SDK1: variants seen among roughly 807,000 people sequenced by gnomAD.
SDK1 encodes the protein sidekick cell adhesion molecule 1.
A neutral mutation model predicts 245.5 loss-of-function variants in SDK1; 157 were observed. The observed-to-expected ratio is 0.64, with a 90% CI of 0.56 to 0.73. The LOEUF is 0.73. SDK1 is among the 30% of genes least tolerant of loss of function. The pLI is 0.00. For synonymous variants in SDK1, 1,647 were observed against 1,278.5 expected (o/e 1.29, Z -6.15); for missense variants, 3,583 against 3,002.3 (o/e 1.19, Z -4.52).
intron 4 of SDK1, among the ~76,000 whole-genome samples, chr7:3,704,981 A>T (rs1353294939): frequency 6.6e-6 from 1 of 152,186 alleles, no homozygotes; most frequent in African/African-American, 2.4e-5. Flanking sequence ...GTGCTTTGTC[A>T]AAGATCAGTT....
chr7:3,454,423 T>TGTGTGTGTGTGCGC (rs1554273965), intron 1 of SDK1, among the ~76,000 whole-genome samples: 10 of 150,156 alleles, frequency 6.7e-5, no homozygotes, highest in Non-Finnish European at 1.3e-4. Context: ...TGTGTGTGTG[T>TGTGTGTGTGTGCGC]GCTGTGTACA....
rs534110250 is a variant in SDK1, at chr7:3,480,676, G to A, written c.299-138404G>A. 1.2e-4 allele frequency among the ~76,000 whole-genome samples: 18 copies of A among 152,274 alleles called. No individual in the cohort carries two copies. The East Asian group carries it at 1.3e-3, about 11-fold the overall frequency. On this transcript the variant is annotated intron_variant, in intron 1 of 44. Transcript: ENST00000404826. ...GATATACCTATGGGTCTGCCATAGC[G>A]TGCATATGGATTGTAGTCCCCTGCT...
intron 5 of SDK1, among the ~76,000 whole-genome samples, chr7:3,918,334 G>C (rs544707553): frequency 6.6e-6 from 1 of 152,178 alleles, no homozygotes; most frequent in East Asian, 1.9e-4. Context: ...TGCTCCCATC[G>C]CTGGCATTAC....
intron 5 of SDK1, among the ~76,000 whole-genome samples, chr7:3,840,536 G>C (rs1210530432): frequency 6.6e-6 from 1 of 152,146 alleles, no homozygotes; most frequent in Non-Finnish European, 1.5e-5. Context: ...TAGAAATGCA[G>C]AATTTGGGGC....
chr7:3,438,019 G>A (rs532687196), intron 1 of SDK1, among the ~76,000 whole-genome samples: 3 of 152,234 alleles, frequency 2.0e-5, no homozygotes, highest in Non-Finnish European at 2.9e-5. Context: ...GGGGCAAGTG[G>A]AATTATTCTG....
chr7:4,266,487 C>G lies in SDK1; in HGVS notation c.*1103C>G. The G allele has an allele frequency of 1.0e-6, 1 of 985,376 alleles. No individual in the cohort carries two copies. Among genetic ancestry groups the G allele is most frequent in the Non-Finnish European group, 1.2e-6 (1 of 829,886 alleles). 61.0% of individuals were successfully genotyped at this position (985,376 alleles called of 1,614,324 possible). A position where few individuals can be genotyped will look rare whatever the true frequency, so the allele number is the denominator to read the frequency against. ...TTCTGCTGGCTGCTCGCAGCAGCCACCGCTTCTCCACCACTGGCGCTGCTG... is the reference window on the plus strand; with the variant it reads ...TTCTGCTGGCTGCTCGCAGCAGCCAGCGCTTCTCCACCACTGGCGCTGCTG... On this transcript the variant is annotated 3_prime_UTR_variant, in exon 45 of 45. Transcript: ENST00000404826.
Position 3,826,485 on chromosome 7 carries a change from G to A in SDK1, c.847+4902G>A, listed in dbSNP as rs186746945. 1.0e-3 allele frequency among the ~76,000 whole-genome samples: 153 copies of A among 152,284 alleles called. 1 individual carries two copies. The highest frequency in any genetic ancestry group is 3.5e-3 in the African/African-American group (144 of 41,554). On this transcript the variant is annotated intron_variant, in intron 5 of 44. Transcript: ENST00000404826. The stretch of plus-strand genomic sequence containing the variant: ...TACTAACGACACAAGTGTTCCTGCT[G>A]CCGTTTGTTGCCATCTGATTGTGCT...
rs777441745 is a variant in SDK1, at chr7:3,962,659, G to T, written c.1237G>T (p.Val413Phe). 14 of 1,604,520 alleles carry T rather than the reference G, an allele frequency of 8.7e-6. No individual in the cohort carries two copies. Among genetic ancestry groups the T allele is most frequent in the South Asian group, 2.2e-5 (2 of 90,238 alleles). Residue 413 changes from valine to phenylalanine, a missense_variant and splice_region_variant, in exon 9 of 45, where the codon GTC becomes TTC. Transcript: ENST00000404826. The part of the protein sequence containing the change: ...TVDIGCQAMG[V>F]PLPTLQWYKD... ...TATTTATTCCCATTCCTACGCAGGG[G>T]TCCCCCTTCCCACCCTCCAGTGGTA...
At chr7:4,055,621 A>C (rs957664391) in intron 19 of SDK1, among the ~76,000 whole-genome samples, 3 of 150,856 alleles carry the variant, frequency 2.0e-5, no homozygotes, top group African/African-American at 7.3e-5. Context: ...GGTCTCCTTC[A>C]TTTTCAACTT....
intron 5 of SDK1, among the ~76,000 whole-genome samples, chr7:3,931,074 G>A (rs941493670): frequency 3.9e-5 from 6 of 152,146 alleles, no homozygotes; most frequent in African/African-American, 1.4e-4. Flanking sequence ...TGAAGACATT[G>A]GAGAGCACTT....
intron 44 of SDK1, among the ~76,000 whole-genome samples, chr7:4,248,517 C>T (rs1787063589): frequency 6.6e-6 from 1 of 151,860 alleles, no homozygotes; most frequent in Non-Finnish European, 1.5e-5. Flanking sequence ...TACACATATG[C>T]ACACATACGT....
rs1785066097 is a variant in SDK1, at chr7:4,220,250, T to A, written c.5681T>A (p.Ile1894Asn). The A allele has an allele frequency of 6.2e-7, 1 of 1,613,746 alleles. No individual in the cohort carries two copies. The highest frequency in any genetic ancestry group is 8.5e-7 in the Non-Finnish European group (1 of 1,179,918). The change falls in exon 39 of 45, where the codon ATC becomes AAC. Residue 1894 changes from isoleucine to asparagine, a missense_variant. Physicochemically the swap from Ile to Asn is moderately radical, Grantham distance 149. Coordinates refer to ENST00000404826, the MANE Select transcript of SDK1 (RefSeq NM_152744.4). ...ITYGPELQAN[I>N]TAGPAEGSPG... ...TACGGGCCCGAGCTCCAAGCCAATATCACAGCCGGGCCAGCCGAGGGTAAG... is the reference window on the plus strand; with the variant it reads ...TACGGGCCCGAGCTCCAAGCCAATAACACAGCCGGGCCAGCCGAGGGTAAG...
chr7:3,782,923 A>G (rs1293595328), intron 4 of SDK1, among the ~76,000 whole-genome samples: 1 of 152,238 alleles, frequency 6.6e-6, no homozygotes, highest in Non-Finnish European at 1.5e-5. Flanking sequence ...ATTATAAGAA[A>G]GAGAGTTAAA....
At chr7:3,882,873 G>A (rs755015859) in intron 5 of SDK1, among the ~76,000 whole-genome samples, 4 of 152,106 alleles carry the variant, frequency 2.6e-5, no homozygotes, top group African/African-American at 4.8e-5. Flanking sequence ...CTCTATTGAC[G>A]CAGAAAACAA....
Position 4,149,396 on chromosome 7 carries a change from C to T in SDK1, c.4558C>T (p.Pro1520Ser), listed in dbSNP as rs1010076524. 2.8e-5 allele frequency: 45 copies of T among 1,582,756 alleles called. No individual in the cohort carries two copies. Among genetic ancestry groups the T allele is most frequent in the African/African-American group, 5.5e-5 (4 of 73,378 alleles). ...CTTCACCATGCAGGTGCGAGAGCTG[C>T]CTCGGGGTGAGTGGCAGACCTACTC... is the stretch of plus-strand genomic sequence containing the variant. The part of the protein sequence containing the change: ...RYFTMQVREL[P>S]RGEWQTYSSS... Residue 1520 changes from proline (P) to serine (S), a missense_variant, in exon 30 of 45, where the codon CCT (proline) becomes TCT (serine). By Grantham distance (74) the Pro-to-Ser change is moderately conservative (BLOSUM62 -1). Transcript: ENST00000404826.
At chr7:3,832,357 G>A (rs375995368) in intron 5 of SDK1, among the ~76,000 whole-genome samples, 16 of 152,276 alleles carry the variant, frequency 1.1e-4, no homozygotes, top group African/African-American at 2.4e-4. Flanking sequence ...GCAGCCTAAC[G>A]ATTGGTCACC....
chr7:3,552,565 C>A (rs1177892179), intron 1 of SDK1, among the ~76,000 whole-genome samples: 1 of 152,162 alleles, frequency 6.6e-6, no homozygotes, highest in East Asian at 1.9e-4. Flanking sequence ...TAATTATTTT[C>A]ATTTTGCTGG....
At chr7:3,890,094 A>G (rs1023688210) in intron 5 of SDK1, among the ~76,000 whole-genome samples, 82 of 152,172 alleles carry the variant, frequency 5.4e-4, no homozygotes, top group African/African-American at 1.8e-3. Context: ...CATTTTACAG[A>G]TGGATTTCAG....
intron 36 of SDK1, 81 bp from the exon 37 acceptor site, chr7:4,208,018 G>A (rs1051769639): frequency 1.0e-5 from 11 of 1,062,982 alleles, no homozygotes; most frequent in African/African-American, 1.6e-5. Context: ...TCACCCCCTC[G>A]CTTTGACCTT....
Sources: allele counts gnomAD v4.1 joint callset (sites outside exome capture counted in the v4.1 genomes callset), GRCh38; gene constraint gnomAD v4.1.1; transcripts MANE v1.5; gene names NCBI Gene and HGNC (gene_info 2026-07-23, HGNC 2026-07-21).